The following ESR1 variants were observed in gnomAD, a reference collection of about 807,000 sequenced individuals.
ESR1 encodes the protein estrogen receptor.
A neutral mutation model predicts 52.7 loss-of-function variants in ESR1; 12 were observed. The observed-to-expected ratio is 0.23, with a 90% confidence interval of 0.15 to 0.37. The LOEUF is 0.37. Ranked by LOEUF, ESR1 falls within the 10% of genes least tolerant of loss-of-function variation. The pLI, the probability that ESR1 is intolerant of heterozygous loss-of-function variation, is 1.00. For missense variants in ESR1, 584 were observed against 779.7 expected (o/e 0.75, Z 2.99); for synonymous variants, 305 against 316.8 (o/e 0.96, Z 0.39).
upstream of ESR1, among the ~76,000 whole-genome samples, chr6:151,802,679 T>C (rs1486126805): frequency 2.6e-5 from 4 of 152,182 alleles, no homozygotes; most frequent in African/African-American, 9.6e-5. Flanking sequence ...GATACAAAGA[T>C]AATCTTCTAG....
intron 6 of ESR1, among the ~76,000 whole-genome samples, chr6:152,124,971 A>G (rs1395069631): frequency 6.6e-6 from 1 of 152,176 alleles, no homozygotes; most frequent in African/African-American, 2.4e-5. Context: ...TGCGGTGTGT[A>G]CTTATTAACT....
At position 151,808,940 on chromosome 6, in the gene ESR1, C is replaced by G. The variant is rs542925696; in HGVS notation, c.452+576C>G. Among the ~76,000 whole-genome samples, 4 of 152,268 alleles carry G rather than the reference C, an allele frequency of 2.6e-5. No individual in the cohort carries two copies. The South Asian group carries it at 8.3e-4, about 32-fold the overall frequency. On this transcript the variant is annotated intron_variant, in intron 1 of 7. Coordinates refer to ENST00000206249, the MANE Select transcript of ESR1 (RefSeq NM_000125.4). ...CTGTCACCCGCTTTCCCCTCCTCCC[C>G]ACCCCACGTCCTGGGGCTTTAGAGA...
intron 2 of ESR1, among the ~76,000 whole-genome samples, chr6:151,736,148 A>T (rs942940634): frequency 6.6e-6 from 1 of 152,162 alleles, no homozygotes. Context: ...TACCTTTTTA[A>T]ACTTGGAAGG....
At chr6:151,920,682 C>G (rs2031464604) in intron 3 of ESR1, among the ~76,000 whole-genome samples, 1 of 151,928 alleles carries the variant, frequency 6.6e-6, no homozygotes, top group Non-Finnish European at 1.5e-5. Flanking sequence ...CTGAATTTGT[C>G]TGATGTTTTC....
chr6:152,084,261 G>A (rs369608858), intron 6 of ESR1, among the ~76,000 whole-genome samples: 6 of 151,464 alleles, frequency 4.0e-5, no homozygotes, highest in African/African-American at 7.3e-5. Flanking sequence ...ATCACACACC[G>A]GGGCCTGTCA....
intron 3 of ESR1, among the ~76,000 whole-genome samples, chr6:151,895,978 T>G (rs908564678): frequency 1.3e-5 from 2 of 151,990 alleles, no homozygotes; most frequent in African/African-American, 4.8e-5. Flanking sequence ...TTAGTAGAGA[T>G]AGGGTTTCGC....
chr6:151,746,966 G>A (rs969126508), intron 2 of ESR1, among the ~76,000 whole-genome samples: 5 of 152,214 alleles, frequency 3.3e-5, no homozygotes, highest in African/African-American at 1.2e-4. Flanking sequence ...ACATCTGGCA[G>A]GGAGGAAAAG....
intron 6 of ESR1, among the ~76,000 whole-genome samples, chr6:152,124,679 CCT>C (rs2052707018): frequency 8.1e-6 from 1 of 123,144 alleles, no homozygotes; most frequent in Admixed American, 9.1e-5. Context: ...ATGAGTTATT[CCT>C]AATAAGCTGA....
At chr6:151,716,125 G>T (rs957293263) in intron 2 of ESR1, among the ~76,000 whole-genome samples, 2 of 152,162 alleles carry the variant, frequency 1.3e-5, no homozygotes, top group Admixed American at 6.5e-5. Flanking sequence ...GTTTGCTGGA[G>T]GTCTACTCCA....
intron 5 of ESR1, among the ~76,000 whole-genome samples, chr6:152,033,619 G>A (rs2044960629): frequency 6.6e-6 from 1 of 152,206 alleles, no homozygotes; most frequent in Non-Finnish European, 1.5e-5. Context: ...AGTTAGAATG[G>A]TGATTATTAA....
At chr6:152,123,503 A>G (rs990471735) in intron 6 of ESR1, among the ~76,000 whole-genome samples, 3 of 152,252 alleles carry the variant, frequency 2.0e-5, no homozygotes, top group Admixed American at 6.5e-5. Context: ...GATTGAGTAC[A>G]GGTTTCAGAA....
chr6:151,938,064 G>C (rs1313201515), intron 3 of ESR1, among the ~76,000 whole-genome samples: 1 of 152,136 alleles, frequency 6.6e-6, no homozygotes, highest in African/African-American at 2.4e-5. Flanking sequence ...AAACCTCTTA[G>C]TGTATTTCTT....
chr6:151,849,861 C>T (rs1785970867), intron 2 of ESR1, among the ~76,000 whole-genome samples: 1 of 149,326 alleles, frequency 6.7e-6, no homozygotes. Context: ...GGCTTATTGT[C>T]CTCTCCTTCT....
At chr6:151,826,116 G>A (rs1277590898) in intron 1 of ESR1, among the ~76,000 whole-genome samples, 4 of 152,008 alleles carry the variant, frequency 2.6e-5, no homozygotes, top group East Asian at 3.9e-4. Flanking sequence ...TGGTTGTGTG[G>A]TTTGGCTTTG....
intron 2 of ESR1, among the ~76,000 whole-genome samples, chr6:151,770,977 A>G (rs942169521): frequency 8.5e-5 from 13 of 152,254 alleles, no homozygotes; most frequent in Non-Finnish European, 1.9e-4. Context: ...CAGTAGACAT[A>G]TAAAGAAAGC....
intron 1 of ESR1, among the ~76,000 whole-genome samples, chr6:151,823,879 T>A (rs1334421685): frequency 6.6e-6 from 1 of 152,184 alleles, no homozygotes; most frequent in Non-Finnish European, 1.5e-5. Flanking sequence ...CATTGATGGA[T>A]GTTTGGGTTG....
intron 1 of ESR1, among the ~76,000 whole-genome samples, chr6:151,831,952 G>A (rs761408998): frequency 7.2e-5 from 11 of 152,110 alleles, no homozygotes; most frequent in East Asian, 5.8e-4. Flanking sequence ...AGATGATTTC[G>A]TGGAGCTTCT....
intron 2 of ESR1, among the ~76,000 whole-genome samples, chr6:151,860,341 ATGT>A (rs1788642825): frequency 6.6e-6 from 1 of 152,098 alleles, no homozygotes; most frequent in Non-Finnish European, 1.5e-5. Flanking sequence ...CATAGTCATC[ATGT>A]TGTACATTAG....
chr6:152,124,274 A>G (rs554738465), intron 6 of ESR1, among the ~76,000 whole-genome samples: 1 of 152,148 alleles, frequency 6.6e-6, no homozygotes, highest in East Asian at 1.9e-4. Flanking sequence ...ACACCACTGC[A>G]CTCCATCCTG....
Sources: allele counts gnomAD v4.1 joint callset (sites outside exome capture counted in the v4.1 genomes callset), GRCh38; gene constraint gnomAD v4.1.1; transcripts MANE v1.5; gene names NCBI Gene and HGNC (gene_info 2026-07-23, HGNC 2026-07-21).